The following SOX17 variants were observed in gnomAD, a reference collection of about 807,000 sequenced individuals.
SOX17 encodes SRY-box transcription factor 17, also known as transcription factor SOX-17.
Under a neutral mutation model 16.0 loss-of-function variants are expected in SOX17, and 4 were observed. The observed-to-expected ratio is 0.25, with a 90% CI of 0.12 to 0.57. The LOEUF is 0.57. Among genes scored for constraint, SOX17 ranks in the 20% least tolerant of loss-of-function variants. SOX17 has a pLI of 0.92. For missense variants in SOX17, 633 were observed against 609.7 expected (o/e 1.04, Z -0.40); for synonymous variants, 357 against 284.6 (o/e 1.25, Z -2.56).
At position 54,460,355 on chromosome 8, in the gene SOX17, T is replaced by C; in HGVS notation, c.*360T>C. The C allele has an allele frequency of 2.5e-6, 1 of 392,710 alleles. No individual in the cohort carries two copies. The highest frequency in any genetic ancestry group is 4.4e-5 in the East Asian group (1 of 22,656). The allele number at this position is 392,710 out of a possible 1,614,324, so 24.3% of individuals were successfully genotyped here. A position where few individuals can be genotyped will look rare whatever the true frequency, so the allele number is the denominator to read the frequency against. Reference sequence around the variant, plus strand: ...TGTGTTTTTTCAATCTTCTAAAAAATAAAATCTGGAATCCTGCTTTTTTGC... The same window carrying C: ...TGTGTTTTTTCAATCTTCTAAAAAACAAAATCTGGAATCCTGCTTTTTTGC... On this transcript the variant is annotated 3_prime_UTR_variant, in exon 2 of 2. Coordinates refer to ENST00000297316, the MANE Select transcript of SOX17 (RefSeq NM_022454.4).
In SOX17 at chr8:54,459,805, C is replaced by T; in HGVS notation, c.1055C>T (p.Ala352Val). The T allele has an allele frequency of 3.7e-6, 6 of 1,611,186 alleles. No homozygotes were observed. Among genetic ancestry groups the T allele is most frequent in the Non-Finnish European group, 5.1e-6 (6 of 1,179,228 alleles). ...GACGGCACGGACCCCAGTCAGCCCG[C>T]CGAGCTCCTCGGGGAGGTGGACCGC... ...CRDGTDPSQP[A>V]ELLGEVDRTE... The change falls in exon 2 of 2, where the codon GCC becomes GTC. Residue 352 changes from alanine (A) to valine (V), a missense_variant. By Grantham distance (64) the Ala-to-Val change is moderately conservative (BLOSUM62 0). This residue lies in a region of SOX17 where 479 missense variants were observed against 397.2 expected (regional missense o/e 1.21). Coordinates refer to ENST00000297316, the MANE Select transcript of SOX17 (RefSeq NM_022454.4).
Position 54,459,206 on chromosome 8 carries a change from G to C in SOX17, c.456G>C (p.Glu152Asp), listed in dbSNP as rs1554579184. The C allele has an allele frequency of 6.3e-7, 1 of 1,582,004 alleles. No individual in the cohort carries two copies. Among genetic ancestry groups the C allele is most frequent in the Non-Finnish European group, 8.6e-7 (1 of 1,166,424 alleles). ...AGGTGAAGCGGCTGAAGCGGGTGGA[G>C]GGCGGCTTCCTGCACGGCCTGGCTG... The part of the protein sequence containing the change: ...RKQVKRLKRV[E>D]GGFLHGLAEP... The change falls in exon 2 of 2, where the codon GAG becomes GAC. Residue 152 changes from glutamate to aspartate, a missense_variant. Physicochemically the swap from Glu to Asp is conservative, Grantham distance 45. Around this residue, in one of 5 missense-constraint regions of SOX17, gnomAD observed 479 missense variants for 397.2 expected, o/e 1.21. Transcript: ENST00000297316.
Position 54,458,405 on chromosome 8 carries a change from G to C in SOX17, c.267G>C (p.Gln89His), listed in dbSNP as rs1804672214. The change falls in exon 1 of 2, where the codon CAG becomes CAC. Residue 89 changes from glutamine to histidine, a missense_variant. Physicochemically the swap from Gln to His is conservative, Grantham distance 24 (BLOSUM62 0). This residue lies in a region of SOX17 where 16 missense variants were observed against 50.4 expected (regional missense o/e 0.32). Transcript: ENST00000297316. ...ACGAGCGCAAGCGGCTGGCGCAGCA[G>C]AATCCAGACCTGCACAACGCCGAGT... Reference protein sequence around the residue: ...AKDERKRLAQQNPDLHNAELS... With the variant: ...AKDERKRLAQHNPDLHNAELS... 1 of 1,612,786 alleles carries C rather than the reference G, an allele frequency of 6.2e-7. No homozygotes were observed. Among genetic ancestry groups the C allele is most frequent in the Non-Finnish European group, 8.5e-7 (1 of 1,179,924 alleles).
In SOX17 at chr8:54,459,354, C is replaced by A. The variant is rs1379706162; in HGVS notation, c.604C>A (p.His202Asn). ...PPLLPPHMGG[H>N]YRDCQSLGAP... ...GCTGCTGCCTCCGCACATGGGCGGC[C>A]ACTACCGCGACTGCCAGAGTCTGGG... is the stretch of plus-strand genomic sequence containing the variant. Residue 202 changes from histidine (H) to asparagine (N), a missense_variant, in exon 2 of 2, where the codon CAC becomes AAC. Physicochemically the swap from His to Asn is moderately conservative, Grantham distance 68. This residue lies in a region of SOX17 where 479 missense variants were observed against 397.2 expected (regional missense o/e 1.21). Transcript: ENST00000297316. 1 of 1,556,154 alleles carries A rather than the reference C, an allele frequency of 6.4e-7. No homozygotes were observed. The highest frequency in any genetic ancestry group is 1.2e-5 in the South Asian group (1 of 85,418).
Position 54,458,172 on chromosome 8 carries a change from G to C in SOX17, c.34G>C (p.Asp12His), listed in dbSNP as rs1804666346. The change falls in exon 1 of 2, where the codon GAC (aspartate) becomes CAC (histidine). Residue 12 changes from aspartate (D) to histidine (H), a missense_variant. Around this residue, in one of 5 missense-constraint regions of SOX17, gnomAD observed 94 missense variants for 98.7 expected, o/e 0.95. Transcript: ENST00000297316. ...SSPDAGYASDDQSQTQSALPA... is the reference protein window; with the variant it reads ...SSPDAGYASDHQSQTQSALPA... The stretch of plus-strand genomic sequence containing the variant: ...CCCGGATGCGGGATACGCCAGTGAC[G>C]ACCAGAGCCAGACCCAGAGCGCGCT... 2.5e-6 allele frequency: 4 copies of C among 1,583,162 alleles called. No homozygotes were observed. Among genetic ancestry groups the C allele is most frequent in the Non-Finnish European group, 3.4e-6 (4 of 1,170,362 alleles).
rs956442559 is a variant in SOX17 at position 54,458,906 on chromosome 8, A to G, written c.308-152A>G. On this transcript the variant is annotated intron_variant, in intron 1 of 1. Coordinates refer to ENST00000297316, the MANE Select transcript of SOX17 (RefSeq NM_022454.4). ...GGGTGTTCCCCAAGGGCTCGGACTCAGGAGTCCCAGATCTCCCTCTTTAAC... is the reference window on the plus strand; with the variant it reads ...GGGTGTTCCCCAAGGGCTCGGACTCGGGAGTCCCAGATCTCCCTCTTTAAC... The G allele has an allele frequency of 1.3e-5, 9 of 671,832 alleles. No individual in the cohort carries two copies. In the Admixed American group the frequency reaches 2.0e-4, roughly 15 times the overall value. 41.6% of individuals were successfully genotyped at this position (671,832 alleles called of 1,614,324 possible).
Position 54,458,017 on chromosome 8 carries a change from G to C in SOX17, c.-122G>C. The C allele has an allele frequency of 8.3e-7, 1 of 1,210,944 alleles. No individual in the cohort carries two copies. Among genetic ancestry groups the C allele is most frequent in the Non-Finnish European group, 1.1e-6 (1 of 913,238 alleles). 75.0% of individuals were successfully genotyped at this position (1,210,944 alleles called of 1,614,324 possible). ...GCCAGAACACGGGCGGCGGCTTCGG[G>C]CCGGGAGACCCGCGCAGCCCTCGGG... On this transcript the variant is annotated 5_prime_UTR_variant, in exon 1 of 2. Coordinates refer to ENST00000297316, the MANE Select transcript of SOX17 (RefSeq NM_022454.4).
chr8:54,459,477 G>T lies in SOX17; in HGVS notation c.727G>T (p.Gly243Trp), dbSNP rs1217255052. ...DPAFFAAPMPGDCPAAGTYSY... is the reference protein window; with the variant it reads ...DPAFFAAPMPWDCPAAGTYSY... ...GGCTTTCTTCGCCGCCCCGATGCCC[G>T]GGGACTGCCCGGCGGCCGGCACCTA... Residue 243 changes from glycine (G) to tryptophan (W), a missense_variant, in exon 2 of 2, where the codon GGG becomes TGG. Around this residue, in one of 5 missense-constraint regions of SOX17, gnomAD observed 479 missense variants for 397.2 expected, o/e 1.21. Coordinates refer to ENST00000297316, the MANE Select transcript of SOX17 (RefSeq NM_022454.4). 2.0e-6 allele frequency: 3 copies of T among 1,523,880 alleles called. No homozygotes were observed. In the African/African-American group the frequency reaches 4.2e-5, roughly 21 times the overall value. The allele number at this position is 1,523,880 out of a possible 1,614,324, so 94.4% of individuals were successfully genotyped here.
intron 1 of SOX17, 59 bp downstream of exon 1, chr8:54,458,504 T>C (rs972909859): frequency 1.9e-6 from 3 of 1,590,346 alleles, no homozygotes; most frequent in African/African-American, 2.7e-5. Flanking sequence ...GCTAGGCCGA[T>C]TTCTTAAACC....
At chr8:54,458,921 C>T (rs1489308599) in intron 1 of SOX17, 137 bp from the exon 2 acceptor site, 1 of 737,760 alleles carries the variant, frequency 1.4e-6, no homozygotes, top group Middle Eastern at 4.0e-4. Flanking sequence ...TCCCAGATCT[C>T]CCTCTTTAAC....
rs1804695918 is a variant in SOX17, at chr8:54,459,405, T to A, written c.655T>A (p.Leu219Met). Residue 219 changes from leucine to methionine, a missense_variant, in exon 2 of 2, where the codon TTG (leucine) becomes ATG (methionine). This residue lies in a region of SOX17 where 479 missense variants were observed against 397.2 expected (regional missense o/e 1.21). Coordinates refer to ENST00000297316, the MANE Select transcript of SOX17 (RefSeq NM_022454.4). The stretch of plus-strand genomic sequence containing the variant: ...CGCGCCTCCGCTCGACGGCTACCCG[T>A]TGCCCACGCCCGACACGTCCCCGCT... ...LGAPPLDGYP[L>M]PTPDTSPLDG... is the part of the protein sequence containing the mutation. 6.5e-7 allele frequency: 1 copy of A among 1,549,256 alleles called. No individual in the cohort carries two copies. Among genetic ancestry groups the A allele is most frequent in the Non-Finnish European group, 8.6e-7 (1 of 1,157,954 alleles).
In SOX17 at chr8:54,459,605, C is replaced by T. The variant is rs1288665203; in HGVS notation, c.855C>T (p.Gly285=). 17 of 1,540,634 alleles carry T rather than the reference C, an allele frequency of 1.1e-5. No homozygotes were observed. Among genetic ancestry groups the T allele is most frequent in the Non-Finnish European group, 1.2e-5 (14 of 1,149,078 alleles). ...AGCCCGCGGGTCCCTCGATTCCGGG[C>T]CTCCTGGCGCCACCCAGCGCCCTTC... ...GPEPAGPSIP[G]LLAPPSALHV... The change falls in exon 2 of 2, where the codon GGC becomes GGT. Residue 285 remains glycine, a synonymous_variant. Coordinates refer to ENST00000297316, the MANE Select transcript of SOX17 (RefSeq NM_022454.4).
chr8:54,458,060 TCCCCAC>T lies in SOX17; in HGVS notation c.-74_-69del, dbSNP rs1322964573. ...CCCTCGGGGCATCTCAGTGCCTCAC[TCCCCAC>T]CCCCTCCCCCGGGTCGGGGGAGGCG... On this transcript the variant is annotated 5_prime_UTR_variant, in exon 1 of 2. Coordinates refer to ENST00000297316, the MANE Select transcript of SOX17 (RefSeq NM_022454.4). 7.1e-6 allele frequency: 10 copies of T among 1,411,928 alleles called. No homozygotes were observed. In the East Asian group the frequency reaches 2.7e-4, roughly 38 times the overall value. The allele number at this position is 1,411,928 out of a possible 1,614,324, so 87.5% of individuals were successfully genotyped here.
In SOX17 at chr8:54,459,500, C is replaced by T. The variant is rs1161632509; in HGVS notation, c.750C>T (p.Thr250=). 2 of 1,527,252 alleles carry T rather than the reference C, an allele frequency of 1.3e-6. No individual in the cohort carries two copies. Among genetic ancestry groups the T allele is most frequent in the Non-Finnish European group, 1.7e-6 (2 of 1,143,776 alleles). 94.6% of individuals were successfully genotyped at this position (1,527,252 alleles called of 1,614,324 possible). A position where few individuals can be genotyped will look rare whatever the true frequency, so the allele number is the denominator to read the frequency against. ...CCGGGGACTGCCCGGCGGCCGGCAC[C>T]TACAGCTACGCGCAGGTCTCGGACT... ...PMPGDCPAAG[T]YSYAQVSDYA... The change falls in exon 2 of 2, where the codon ACC becomes ACT. Residue 250 remains threonine, a synonymous_variant. Coordinates refer to ENST00000297316, the MANE Select transcript of SOX17 (RefSeq NM_022454.4).
In SOX17 at chr8:54,459,729, C is replaced by CACT; in HGVS notation, c.979_980insACT (p.Pro327delinsHisSer). The CACT allele has an allele frequency of 6.4e-7, 1 of 1,557,706 alleles. No homozygotes were observed. The highest frequency in any genetic ancestry group is 8.7e-7 in the Non-Finnish European group (1 of 1,155,120). On this transcript the variant is annotated protein_altering_variant, in exon 2 of 2. Transcript: ENST00000297316. ...GCACCAGCACCAGCACCAGCACCAC[C>CACT]CCCCGGGCCCCGGACAGCCGTCGCC... is the stretch of plus-strand genomic sequence containing the variant.
chr8:54,459,150 A>T lies in SOX17; in HGVS notation c.400A>T (p.Asn134Tyr). ...LRVQHMQDHP[N>Y]YKYRPRRRKQ... ...CGTGCAGCACATGCAGGACCACCCC[A>T]ACTACAAGTACCGGCCGCGGCGGCG... Residue 134 changes from asparagine to tyrosine, a missense_variant, in exon 2 of 2, where the codon AAC becomes TAC. By Grantham distance (143) the Asn-to-Tyr change is moderately radical (BLOSUM62 -2). Around this residue, in one of 5 missense-constraint regions of SOX17, gnomAD observed 39 missense variants for 46.5 expected, o/e 0.84. Transcript: ENST00000297316. The T allele has an allele frequency of 6.2e-7, 1 of 1,607,562 alleles. No individual in the cohort carries two copies. The highest frequency in any genetic ancestry group is 8.5e-7 in the Non-Finnish European group (1 of 1,177,642).
chr8:54,460,757 C>T lies in SOX17; in HGVS notation c.*762C>T. ...TGTTTTTATCTGTGTTTTGCCATCTCTTTACACTCCTCGACATTCAGTTTA... is the reference window on the plus strand; with the variant it reads ...TGTTTTTATCTGTGTTTTGCCATCTTTTTACACTCCTCGACATTCAGTTTA... On this transcript the variant is annotated 3_prime_UTR_variant, in exon 2 of 2. Coordinates refer to ENST00000297316, the MANE Select transcript of SOX17 (RefSeq NM_022454.4). 1 of 228,076 alleles carries T rather than the reference C, an allele frequency of 4.4e-6. No homozygotes were observed. Among genetic ancestry groups the T allele is most frequent in the Non-Finnish European group, 8.7e-6 (1 of 114,908 alleles). The allele number at this position is 228,076 out of a possible 1,614,324, so 14.1% of individuals were successfully genotyped here.
Position 54,458,125 on chromosome 8 carries a change from A to G in SOX17, c.-14A>G. On this transcript the variant is annotated 5_prime_UTR_variant, in exon 1 of 2. Coordinates refer to ENST00000297316, the MANE Select transcript of SOX17 (RefSeq NM_022454.4). ...GGCGGAGGGTTGAGGGGAGCGGGGC[A>G]GGCCTGGAGCGCCATGAGCAGCCCG... The G allele has an allele frequency of 1.3e-6, 2 of 1,521,254 alleles. No homozygotes were observed. Among genetic ancestry groups the G allele is most frequent in the South Asian group, 1.3e-5 (1 of 79,740 alleles). 94.2% of individuals were successfully genotyped at this position (1,521,254 alleles called of 1,614,324 possible). A position where few individuals can be genotyped will look rare whatever the true frequency, so the allele number is the denominator to read the frequency against.
intron 1 of SOX17, among the ~76,000 whole-genome samples, chr8:54,458,671 G>C (rs1016980772): frequency 2.6e-5 from 4 of 152,200 alleles, no homozygotes; most frequent in Admixed American, 6.5e-5. Context: ...CCAGGTGGCC[G>C]GGGGCGCGGG....
Sources: allele counts gnomAD v4.1 joint callset (sites outside exome capture counted in the v4.1 genomes callset), GRCh38; gene constraint gnomAD v4.1.1; regional missense constraint gnomAD v4.1.1; transcripts MANE v1.5; gene names NCBI Gene and HGNC (gene_info 2026-07-23, HGNC 2026-07-21).